The following C8A variants were observed in gnomAD, a reference collection of about 807,000 sequenced individuals.
C8A encodes complement C8 alpha chain, also known as complement component C8 alpha chain.
In C8A, 67 loss-of-function variants were observed where a neutral mutation model predicts 65.3. The observed-to-expected ratio is 1.03, with a 90% CI of 0.84 to 1.26. The LOEUF (loss-of-function observed/expected upper bound fraction) is 1.26, where lower values mean the gene tolerates loss of function less well. Ranked by LOEUF, C8A falls within the 50% of genes most tolerant of loss-of-function variation. The probability of loss-of-function intolerance (pLI) is 0.00; values close to 1 mark genes in which losing one functional copy is unlikely to be tolerated. For missense variants in C8A, 781 were observed against 723.9 expected, an observed-to-expected ratio of 1.08 and a Z score of -0.90; for synonymous variants, 290 against 259.4, an observed-to-expected ratio of 1.12 and a Z score of -1.13.
intron 7 of C8A, among the ~76,000 whole-genome samples, chr1:56,901,401 TG>T (rs1254148122): frequency 2.0e-5 from 3 of 152,194 alleles, no homozygotes; most frequent in Non-Finnish European, 4.4e-5. Context: ...TGCCTGGTTC[TG>T]CCTGAGAGCC....
chr1:56,860,072 A>G (rs1644017673), intron 1 of C8A, among the ~76,000 whole-genome samples: 2 of 152,108 alleles, frequency 1.3e-5, no homozygotes, highest in Admixed American at 6.5e-5. Context: ...CAAAAGAAAA[A>G]ATTTTTTTTT....
chr1:56,874,124 C>T (rs958264262), intron 2 of C8A, among the ~76,000 whole-genome samples: 10 of 152,170 alleles, frequency 6.6e-5, no homozygotes, highest in African/African-American at 2.4e-4. Context: ...AAGGCATCTA[C>T]AACTTGATGT....
rs557265073 is a variant in C8A, at chr1:56,916,647, T to G, written c.1604-918T>G. Among the ~76,000 whole-genome samples, 10 of 152,270 alleles carry G rather than the reference T, an allele frequency of 6.6e-5. 2 individuals are homozygous for G. In the South Asian group the frequency reaches 1.9e-3, roughly 28 times the overall value. On this transcript the variant is annotated intron_variant, in intron 10 of 10. Coordinates refer to ENST00000361249, the MANE Select transcript of C8A (RefSeq NM_000562.3). Reference sequence around the variant, plus strand: ...AGCCTGACAGACATCCAGCTTCAAATAGAGCAGCTCCACTTTCATCTGACT... The same window carrying G: ...AGCCTGACAGACATCCAGCTTCAAAGAGAGCAGCTCCACTTTCATCTGACT...
chr1:56,855,043 CT>C, intron 1 of C8A, 65 bp downstream of exon 1: 1 of 1,195,362 alleles, frequency 8.4e-7, no homozygotes, highest in Non-Finnish European at 1.2e-6. Context: ...AACTAAGACA[CT>C]TTTATGTTTG....
intron 1 of C8A, among the ~76,000 whole-genome samples, chr1:56,855,262 A>T (rs1643962710): frequency 6.6e-6 from 1 of 152,202 alleles, no homozygotes; most frequent in Admixed American, 6.5e-5. Context: ...AAATGAGAAT[A>T]ATAATACCTC....
At chr1:56,873,926 A>G (rs988621667) in intron 2 of C8A, among the ~76,000 whole-genome samples, 2 of 152,194 alleles carry the variant, frequency 1.3e-5, no homozygotes, top group African/African-American at 4.8e-5. Flanking sequence ...AGTGCCTGAC[A>G]CTGTACACTA....
chr1:56,873,746 T>C (rs1283267721), intron 2 of C8A, among the ~76,000 whole-genome samples: 1 of 152,174 alleles, frequency 6.6e-6, no homozygotes, highest in African/African-American at 2.4e-5. Flanking sequence ...CACCAGGAAA[T>C]ACAGGGCTGC....
At chr1:56,906,844 G>A (rs374266499) in intron 8 of C8A, 52 bp downstream of exon 8, 1 of 1,609,834 alleles carries the variant, frequency 6.2e-7, no homozygotes, top group East Asian at 2.2e-5. Flanking sequence ...CTTTCCTTTG[G>A]ACACACACTG....
At chr1:56,890,255 G>T (rs2101258644) in intron 7 of C8A, among the ~76,000 whole-genome samples, 1 of 152,120 alleles carries the variant, frequency 6.6e-6, no homozygotes, top group Non-Finnish European at 1.5e-5. Context: ...TCATCCTTCT[G>T]AACCTTGTAG....
intron 7 of C8A, among the ~76,000 whole-genome samples, chr1:56,898,305 C>T (rs1462824072): frequency 6.6e-6 from 1 of 152,014 alleles, no homozygotes; most frequent in African/African-American, 2.4e-5. Flanking sequence ...TGGCAAGCTG[C>T]AGGAATCATG....
chr1:56,917,565 G>T lies in C8A; in HGVS notation c.1604G>T (p.Gly535Val). Residue 535 changes from glycine (G) to valine (V), a missense_variant and splice_region_variant, in exon 11 of 11, where the codon GGA (glycine) becomes GTA (valine). By Grantham distance (109) the Gly-to-Val change is moderately radical. Transcript: ENST00000361249. ...GAACEQTQTEGAKADGSWSCW... is the reference protein window; with the variant it reads ...GAACEQTQTEVAKADGSWSCW... ...CCTCCCTGGGAAATTTCCTCTGCAGGAGCCAAAGCAGATGGGAGCTGGAGT... is the reference window on the plus strand; with the variant it reads ...CCTCCCTGGGAAATTTCCTCTGCAGTAGCCAAAGCAGATGGGAGCTGGAGT... 1 of 1,614,142 alleles carries T rather than the reference G, an allele frequency of 6.2e-7. No homozygotes were observed. The highest frequency in any genetic ancestry group is 1.1e-5 in the South Asian group (1 of 91,070).
chr1:56,909,349 T>C (rs1644489953), intron 9 of C8A, among the ~76,000 whole-genome samples: 1 of 152,184 alleles, frequency 6.6e-6, no homozygotes, highest in African/African-American at 2.4e-5. Context: ...ATGCCTACAG[T>C]TAAACCTAGA....
At chr1:56,855,897 A>G (rs1570307634) in intron 1 of C8A, among the ~76,000 whole-genome samples, 2 of 152,254 alleles carry the variant, frequency 1.3e-5, no homozygotes, top group East Asian at 3.9e-4. Context: ...TGTAACTTGT[A>G]TTTAAAGGAA....
At chr1:56,890,581 T>C (rs1345447172) in intron 7 of C8A, among the ~76,000 whole-genome samples, 1 of 152,140 alleles carries the variant, frequency 6.6e-6, no homozygotes, top group Non-Finnish European at 1.5e-5. Flanking sequence ...CAAGCCACCA[T>C]TGTCTCTCAC....
At chr1:56,901,795 GCTCCTTCTTCTGA>G (rs1644428711) in intron 7 of C8A, among the ~76,000 whole-genome samples, 1 of 151,786 alleles carries the variant, frequency 6.6e-6, no homozygotes, top group Admixed American at 6.6e-5. Flanking sequence ...CTTGTCTCTG[GCTCCTTCTTCTGA>G]CCCCCACAGA....
intron 7 of C8A, among the ~76,000 whole-genome samples, chr1:56,894,046 T>C (rs1170597007): frequency 1.3e-5 from 2 of 152,168 alleles, no homozygotes; most frequent in Non-Finnish European, 2.9e-5. Context: ...CTATTATTGC[T>C]GTACAGTGTA....
chr1:56,858,026 GTCCA>G (rs1351545947), intron 1 of C8A, among the ~76,000 whole-genome samples: 1 of 152,028 alleles, frequency 6.6e-6, no homozygotes, highest in African/African-American at 2.4e-5. Flanking sequence ...TGTTAAGCCT[GTCCA>G]GTGAATTTTA....
chr1:56,893,910 G>C (rs1644368282), intron 7 of C8A, among the ~76,000 whole-genome samples: 2 of 152,088 alleles, frequency 1.3e-5, no homozygotes, highest in Non-Finnish European at 2.9e-5. Context: ...CTGTACCTCA[G>C]TTTCCTCTTC....
chr1:56,896,679 G>A (rs568212914), intron 7 of C8A, among the ~76,000 whole-genome samples: 25 of 152,238 alleles, frequency 1.6e-4, no homozygotes, highest in Admixed American at 1.5e-3. Flanking sequence ...GGCATTCCAC[G>A]GCCCAGTCAA....
Sources: gnomAD v4.1 joint callset for allele counts (sites outside exome capture counted in the v4.1 genomes callset) on GRCh38, gnomAD v4.1.1 for gene constraint, MANE v1.5 for transcripts, NCBI Gene and HGNC (gene_info 2026-07-23, HGNC 2026-07-21) for gene names.